The following FAM20C variants were observed in gnomAD, a reference collection of about 807,000 sequenced individuals.
The protein encoded by FAM20C is FAM20C golgi associated secretory pathway kinase, also known as extracellular serine/threonine protein kinase FAM20C.
FAM20C carries 40 observed loss-of-function variants against 51.5 expected under a neutral mutation model. That is an observed-to-expected ratio of 0.78 (90% CI 0.60 to 1.01). The LOEUF (loss-of-function observed/expected upper bound fraction) is 1.01, where lower values mean the gene tolerates loss of function less well. FAM20C is among the 50% of genes least tolerant of loss of function. FAM20C has a pLI of 0.00. For synonymous variants in FAM20C, 406 were observed against 380.6 expected, an observed-to-expected ratio of 1.07 and a Z score of -0.78; for missense variants, 861 against 844.7, an observed-to-expected ratio of 1.02 and a Z score of -0.24.
intron 5 of FAM20C, among the ~76,000 whole-genome samples, chr7:253,625 C>T (rs1012565021): frequency 2.6e-5 from 4 of 152,228 alleles, no homozygotes; most frequent in African/African-American, 9.6e-5. Context: ...TAATTCCCAG[C>T]CCGTGATGCC....
In FAM20C at chr7:195,598, A is replaced by C. The variant is rs1419392825; in HGVS notation, c.650A>C (p.Glu217Ala). The C allele has an allele frequency of 2.5e-6, 4 of 1,600,766 alleles. No individual in the cohort carries two copies. The African/African-American group carries it at 4.0e-5, about 16-fold the overall frequency. Residue 217 changes from glutamate (E) to alanine (A), a missense_variant, in exon 2 of 10, where the codon GAG (glutamate) becomes GCG (alanine). Glu to Ala is a moderately radical substitution (Grantham distance 107, BLOSUM62 -1). Around this residue, in one of 3 missense-constraint regions of FAM20C, gnomAD observed 561 missense variants for 499.8 expected, o/e 1.12. Coordinates refer to ENST00000313766, the MANE Select transcript of FAM20C (RefSeq NM_020223.4). ...AEGAEFLSPG[E>A]AAVDSYPNWL... Reference sequence around the variant, plus strand: ...GGTGCAGAATTCCTCTCCCCCGGGGAGGCGGCCGTGGACTCCTATCCCAAC... The same window carrying C: ...GGTGCAGAATTCCTCTCCCCCGGGGCGGCGGCCGTGGACTCCTATCCCAAC...
chr7:228,768 C>T (rs77670366), intron 3 of FAM20C: 29,257 of 456,194 alleles, frequency 0.064, 1,097 homozygotes, highest in Non-Finnish European at 0.086. Context: ...ACTGAACAGA[C>T]GCCACGACTC....
intron 3 of FAM20C, among the ~76,000 whole-genome samples, chr7:234,053 C>T (rs987049587): frequency 0.066 from 10,082 of 152,264 alleles, 355 homozygotes; most frequent in Non-Finnish European, 0.082. Context: ...GCTCAGTGCC[C>T]CCCTGGGGGC....
chr7:206,667 T>A (rs945543341), intron 2 of FAM20C, among the ~76,000 whole-genome samples: 1 of 40,666 alleles, frequency 2.5e-5, no homozygotes, highest in South Asian at 8.5e-4. Context: ...CGTCGGTCAC[T>A]GTCCCCTCGG....
intron 3 of FAM20C, among the ~76,000 whole-genome samples, chr7:224,193 C>CG (rs1431505833): frequency 2.4e-3 from 322 of 133,894 alleles, no homozygotes; most frequent in African/African-American, 8.6e-3. Context: ...GGCACCGTCA[C>CG]GGGGTCGCAC....
intron 3 of FAM20C, among the ~76,000 whole-genome samples, chr7:220,427 C>A (rs150950416): frequency 6.6e-6 from 1 of 152,024 alleles, no homozygotes; most frequent in African/African-American, 2.4e-5. Context: ...GGTCAACGCA[C>A]GTGAACAAAT....
rs1161718867 is a variant in FAM20C, at chr7:208,988, G to A, written c.863+12G>A. ...TTCAAACCCATGAAGTAAGTGCCGA[G>A]GCCTGTGGGCTGGGGCGTGAGGAGC... On this transcript the variant is annotated intron_variant, in intron 3 of 9. Coordinates refer to ENST00000313766, the MANE Select transcript of FAM20C (RefSeq NM_020223.4). 1.3e-6 allele frequency: 2 copies of A among 1,572,190 alleles called. No homozygotes were observed. Among genetic ancestry groups the A allele is most frequent in the South Asian group, 1.2e-5 (1 of 85,370 alleles).
chr7:230,343 G>C (rs1787610258), intron 3 of FAM20C, among the ~76,000 whole-genome samples: 1 of 121,468 alleles, frequency 8.2e-6, no homozygotes, highest in South Asian at 2.8e-4. Context: ...CCACAGCTCA[G>C]CCTTGCATTT....
At chr7:211,918 G>T (rs886397785) in intron 3 of FAM20C, among the ~76,000 whole-genome samples, 1 of 150,896 alleles carries the variant, frequency 6.6e-6, no homozygotes, top group African/African-American at 2.5e-5. Flanking sequence ...CTCCCAGCTC[G>T]GTCCTCTCAC....
At chr7:209,180 C>G (rs1043985763) in intron 3 of FAM20C, among the ~76,000 whole-genome samples, 1 of 152,232 alleles carries the variant, frequency 6.6e-6, no homozygotes, top group Non-Finnish European at 1.5e-5. Context: ...TCCCCACCTC[C>G]TCCCTTTTTA....
At chr7:220,089 G>T (rs921879267) in intron 3 of FAM20C, among the ~76,000 whole-genome samples, 3 of 152,186 alleles carry the variant, frequency 2.0e-5, no homozygotes, top group Non-Finnish European at 4.4e-5. Flanking sequence ...CTCCCTGGGG[G>T]AAGCCAAGCC....
chr7:211,380 C>T (rs1427227863), intron 3 of FAM20C, among the ~76,000 whole-genome samples: 2 of 150,222 alleles, frequency 1.3e-5, no homozygotes, highest in African/African-American at 4.9e-5. Context: ...AACCTCCCGG[C>T]CTGCCCCCAA....
chr7:230,087 C>G (rs1347687555), intron 3 of FAM20C, among the ~76,000 whole-genome samples: 1 of 152,126 alleles, frequency 6.6e-6, no homozygotes, highest in Non-Finnish European at 1.5e-5. Context: ...ATGTCACCTT[C>G]TTTGGAAAAG....
At chr7:255,549 T>C (rs575249354) in intron 5 of FAM20C, among the ~76,000 whole-genome samples, 4 of 152,326 alleles carry the variant, frequency 2.6e-5, no homozygotes, top group African/African-American at 9.6e-5. Flanking sequence ...ACAATATGAA[T>C]GCATTTTTTA....
chr7:222,516 G>T (rs1436897895), intron 3 of FAM20C, among the ~76,000 whole-genome samples: 1 of 152,130 alleles, frequency 6.6e-6, no homozygotes, highest in African/African-American at 2.4e-5. Context: ...ACTGAGAGGG[G>T]AGTGCACAGG....
At chr7:228,886 G>A (rs1346046028) in intron 3 of FAM20C, 6 of 442,662 alleles carry the variant, frequency 1.4e-5, no homozygotes, top group Admixed American at 1.2e-4. Context: ...CCACGCTGGG[G>A]ATTCCTCCTC....
intron 9 of FAM20C, among the ~76,000 whole-genome samples, chr7:259,232 G>A (rs1788770808): frequency 2.0e-5 from 3 of 148,608 alleles, no homozygotes. Context: ...ATCCTCCTGG[G>A]TGAGCGGGCC....
chr7:205,833 A>C (rs1225716114), intron 2 of FAM20C, among the ~76,000 whole-genome samples: 1 of 151,550 alleles, frequency 6.6e-6, no homozygotes, highest in Non-Finnish European at 1.5e-5. Context: ...CGGCACCCCC[A>C]GGCCCCCCAC....
At chr7:226,816 A>G (rs1787466493) in intron 3 of FAM20C, among the ~76,000 whole-genome samples, 1 of 152,234 alleles carries the variant, frequency 6.6e-6, no homozygotes. Context: ...TCTTTGCTTA[A>G]TAAGTAAAAG....
Sources: gnomAD v4.1 joint callset for allele counts (sites outside exome capture counted in the v4.1 genomes callset) on GRCh38, gnomAD v4.1.1 for gene constraint, gnomAD v4.1.1 regional missense constraint, MANE v1.5 for transcripts, NCBI Gene and HGNC (gene_info 2026-07-23, HGNC 2026-07-21) for gene names.